Variants in NR2C2 observed in about 807,000 individuals in gnomAD.
NR2C2 encodes the protein Nuclear hormone receptor TR4.
A neutral mutation model predicts 62.9 loss-of-function variants in NR2C2; 6 were observed. The ratio of observed to expected loss-of-function variants is 0.10; its 90% confidence interval spans 0.05 to 0.19. The LOEUF is 0.19. NR2C2 is among the 10% of genes least tolerant of loss of function. The pLI, the probability that NR2C2 is intolerant of heterozygous loss-of-function variation, is 1.00. For missense variants in NR2C2, 479 were observed against 762.7 expected, an observed-to-expected ratio of 0.63 and a Z score of 4.38; for synonymous variants, 272 against 273.8, an observed-to-expected ratio of 0.99 and a Z score of 0.07.
In NR2C2 at chr3:15,013,595, A is replaced by C; in HGVS notation, c.79A>C (p.Thr27Pro). Residue 27 changes from threonine (T) to proline (P), a missense_variant, in exon 3 of 14, where the codon ACA becomes CCA. Coordinates refer to ENST00000425241, the MANE Select transcript of NR2C2 (RefSeq NM_001291694.2). ...TCCATGTTGTGTCTTATAGATTGTC[A>C]CAGACCAGCAGACAGGACAGAAAAT... ...VASPQRIQIV[T>P]DQQTGQKIQI... is the part of the protein sequence containing the mutation. 1 of 1,614,020 alleles carries C rather than the reference A, an allele frequency of 6.2e-7. No individual in the cohort carries two copies. Among genetic ancestry groups the C allele is most frequent in the Non-Finnish European group, 8.5e-7 (1 of 1,179,954 alleles).
chr3:15,034,465 A>G, intron 10 of NR2C2: 2 of 495,274 alleles, frequency 4.0e-6, no homozygotes, highest in East Asian at 6.6e-5. Flanking sequence ...AGAATAGTTG[A>G]TCATTAGAAG....
At chr3:14,977,711 T>C (rs1397692298) in intron 1 of NR2C2, among the ~76,000 whole-genome samples, 1 of 152,078 alleles carries the variant, frequency 6.6e-6, no homozygotes. Flanking sequence ...ATGCATATAA[T>C]CCTAGCACTT....
chr3:15,016,089 A>G (rs1172281233), intron 3 of NR2C2, 63 bp from the exon 4 acceptor site: 3 of 1,291,174 alleles, frequency 2.3e-6, no homozygotes, highest in East Asian at 2.3e-5. Flanking sequence ...GACGTGAGCC[A>G]CCGTGCCCGG....
At chr3:14,986,475 T>A (rs1173478975) in intron 1 of NR2C2, among the ~76,000 whole-genome samples, 1 of 152,142 alleles carries the variant, frequency 6.6e-6, no homozygotes, top group Non-Finnish European at 1.5e-5. Context: ...GGAGGAGTTA[T>A]TAAGAAGGAG....
At position 15,003,501 on chromosome 3, in the gene NR2C2, T is replaced by G. The variant is rs997420552; in HGVS notation, c.-39-375T>G. On this transcript the variant is annotated intron_variant, in intron 1 of 13. Coordinates refer to ENST00000425241, the MANE Select transcript of NR2C2 (RefSeq NM_001291694.2). ...ATCCCCTGCTGTGTTGTGAGAGCCT[T>G]TCTCGGGAAACCATATTAAAGGAAT... 3.3e-5 allele frequency among the ~76,000 whole-genome samples: 5 copies of G among 152,180 alleles called. No individual in the cohort carries two copies. The East Asian group carries it at 5.8e-4, about 18-fold the overall frequency.
At chr3:15,026,222 A>G (rs1307344363) in intron 7 of NR2C2, 1 of 152,020 alleles carries the variant, frequency 6.6e-6, no homozygotes, top group Non-Finnish European at 1.5e-5. Flanking sequence ...GTGTTTCACC[A>G]TGTTGCCCAG....
intron 3 of NR2C2, among the ~76,000 whole-genome samples, chr3:15,015,612 G>C (rs2041486661): frequency 6.6e-6 from 1 of 152,182 alleles, no homozygotes; most frequent in Non-Finnish European, 1.5e-5. Flanking sequence ...AGATAGAGTA[G>C]ATCAGTGGAA....
intron 10 of NR2C2, among the ~76,000 whole-genome samples, chr3:15,033,342 T>C (rs142357602): frequency 7.5e-4 from 115 of 152,318 alleles, no homozygotes; most frequent in Non-Finnish European, 1.2e-3. Context: ...TTTCTCATTG[T>C]AGAATCCTCG....
chr3:15,008,193 G>A (rs1378291721), intron 2 of NR2C2, among the ~76,000 whole-genome samples: 1 of 151,296 alleles, frequency 6.6e-6, no homozygotes, highest in Non-Finnish European at 1.5e-5. Context: ...ATTTTTAGAT[G>A]TTAGCAAACA....
chr3:14,970,544 C>A (rs903839457), intron 1 of NR2C2, among the ~76,000 whole-genome samples: 1 of 152,140 alleles, frequency 6.6e-6, no homozygotes, highest in Non-Finnish European at 1.5e-5. Flanking sequence ...CTGAATTTGA[C>A]TTCTCTAGGT....
At position 15,045,687 on chromosome 3, in the gene NR2C2, ATTAC is replaced by A. The variant is rs2042425484; in HGVS notation, c.*2683_*2686del. ...AAGTAAAGTCAGCCCAAAGTCAAGAATTACTTAAAGAGATGCAAACCAAATATTT... is the reference window on the plus strand; with the variant it reads ...AAGTAAAGTCAGCCCAAAGTCAAGAATTAAAGAGATGCAAACCAAATATTT... On this transcript the variant is annotated 3_prime_UTR_variant, in exon 14 of 14. Coordinates refer to ENST00000425241, the MANE Select transcript of NR2C2 (RefSeq NM_001291694.2). 6.5e-6 allele frequency: 1 copy of A among 152,690 alleles called. No individual in the cohort carries two copies. Among genetic ancestry groups the A allele is most frequent in the African/African-American group, 2.4e-5 (1 of 41,464 alleles). 9.5% of individuals were successfully genotyped at this position (152,690 alleles called of 1,614,324 possible).
At chr3:15,042,147 G>A (rs533853684) in intron 13 of NR2C2, among the ~76,000 whole-genome samples, 1 of 152,142 alleles carries the variant, frequency 6.6e-6, no homozygotes, top group Non-Finnish European at 1.5e-5. Flanking sequence ...GTCCTGGCTG[G>A]GGAATGGCCT....
intron 6 of NR2C2, among the ~76,000 whole-genome samples, 157 bp downstream of exon 6, chr3:15,023,504 C>G (rs112701257): frequency 6.6e-6 from 1 of 152,304 alleles, no homozygotes; most frequent in African/African-American, 2.4e-5. Context: ...CTCAGTCACA[C>G]CTCTGGACAG....
chr3:14,969,514 TAC>T (rs1222063150), intron 1 of NR2C2, among the ~76,000 whole-genome samples: 1 of 152,214 alleles, frequency 6.6e-6, no homozygotes, highest in African/African-American at 2.4e-5. Flanking sequence ...GTGCTGGGAT[TAC>T]AGGCGTGAGC....
At chr3:14,966,472 A>G (rs2125269614) in intron 1 of NR2C2, among the ~76,000 whole-genome samples, 1 of 152,364 alleles carries the variant, frequency 6.6e-6, no homozygotes, top group East Asian at 1.9e-4. Context: ...CTGTGGTCTC[A>G]GCTACTCTGG....
At chr3:14,954,910 A>C (rs2039478467) in intron 1 of NR2C2, among the ~76,000 whole-genome samples, 1 of 152,154 alleles carries the variant, frequency 6.6e-6, no homozygotes, top group African/African-American at 2.4e-5. Flanking sequence ...GGTTCACTGC[A>C]ATCTCCGCCT....
intron 1 of NR2C2, among the ~76,000 whole-genome samples, chr3:14,999,793 T>C (rs1044562271): frequency 1.3e-5 from 2 of 152,202 alleles, no homozygotes; most frequent in Non-Finnish European, 2.9e-5. Flanking sequence ...GTGGCACCTT[T>C]ATCAAATTTG....
At chr3:15,028,803 C>G in intron 8 of NR2C2, 84 bp downstream of exon 8, 2 of 1,435,964 alleles carry the variant, frequency 1.4e-6, no homozygotes, top group Non-Finnish European at 1.9e-6. Context: ...CATTTTGGTA[C>G]CTGTGCTGTA....
At chr3:14,975,448 C>CT (rs1174087613) in intron 1 of NR2C2, among the ~76,000 whole-genome samples, 3 of 152,110 alleles carry the variant, frequency 2.0e-5, no homozygotes, top group African/African-American at 7.2e-5. Context: ...TTGTCAAGTG[C>CT]TTTTTTCCAT....
Sources: gnomAD v4.1 joint callset for allele counts (sites outside exome capture counted in the v4.1 genomes callset) on GRCh38, gnomAD v4.1.1 for gene constraint, MANE v1.5 for transcripts, NCBI Gene and HGNC (gene_info 2026-07-23, HGNC 2026-07-21) for gene names.